Variants in DPP6 observed in about 807,000 individuals in gnomAD.
DPP6 encodes dipeptidyl peptidase like 6.
A neutral mutation model predicts 122.6 loss-of-function variants in DPP6; 69 were observed. That is an observed-to-expected ratio of 0.56 (90% CI 0.46 to 0.69). DPP6 has a LOEUF of 0.69. DPP6 is among the 30% of genes least tolerant of loss of function. The pLI is 0.00. For missense variants in DPP6, 928 were observed against 1,116.9 expected (o/e 0.83, Z 2.41); for synonymous variants, 418 against 433.1 (o/e 0.97, Z 0.43).
the DPP6 span, among the ~76,000 whole-genome samples, chr7:153,809,323 G>A: frequency 1.3e-5 from 2 of 151,946 alleles, no homozygotes; most frequent in African/African-American, 4.8e-5. Flanking sequence ...GTGCCTTAAA[G>A]TTTCTGTGTC....
chr7:154,595,509 C>G (rs533195521), intron 5 of DPP6, among the ~76,000 whole-genome samples: 16 of 152,312 alleles, frequency 1.1e-4, no homozygotes, highest in Admixed American at 3.3e-4. Flanking sequence ...CAATGTGAGT[C>G]TTCACACTGA....
intron 1 of DPP6, among the ~76,000 whole-genome samples, chr7:154,426,700 T>C (rs1005337594): frequency 6.6e-6 from 1 of 151,970 alleles, no homozygotes; most frequent in African/African-American, 2.4e-5. Flanking sequence ...GACTTGCTGC[T>C]CTGGTTACTT....
At chr7:154,089,793 A>T (rs2150546875) in intron 1 of DPP6, among the ~76,000 whole-genome samples, 1 of 151,388 alleles carries the variant, frequency 6.6e-6, no homozygotes, top group East Asian at 2.0e-4. Flanking sequence ...ATTTTTTTAA[A>T]TAAATTAGTT....
chr7:154,209,196 A>C (rs1181059469), intron 1 of DPP6, among the ~76,000 whole-genome samples: 1 of 152,006 alleles, frequency 6.6e-6, no homozygotes, highest in African/African-American at 2.4e-5. Context: ...CTTCCCTTAG[A>C]TGCAAAGGTT....
At chr7:154,782,196 A>T (rs1184749974) in intron 10 of DPP6, among the ~76,000 whole-genome samples, 2 of 152,196 alleles carry the variant, frequency 1.3e-5, no homozygotes, top group Admixed American at 1.3e-4. Context: ...TGGATGCATC[A>T]GTGCATTGGT....
At chr7:153,955,921 A>G (rs1207394068) in intron 1 of DPP6, among the ~76,000 whole-genome samples, 1 of 152,170 alleles carries the variant, frequency 6.6e-6, no homozygotes, top group East Asian at 1.9e-4. Flanking sequence ...ATAAAGAAGG[A>G]GGAAGTAGTG....
intron 1 of DPP6, among the ~76,000 whole-genome samples, chr7:154,127,638 C>G (rs376231381): frequency 9.8e-4 from 107 of 109,162 alleles, no homozygotes; most frequent in African/African-American, 4.4e-3. Flanking sequence ...CACACAGACA[C>G]ACACACACAC....
chr7:154,091,791 G>A (rs1044114039), intron 1 of DPP6, among the ~76,000 whole-genome samples: 1 of 151,938 alleles, frequency 6.6e-6, no homozygotes, highest in Admixed American at 6.6e-5. Context: ...TGAAGAGACC[G>A]GGTCAGTAAC....
chr7:154,472,571 C>T (rs568798600), intron 2 of DPP6, among the ~76,000 whole-genome samples: 2 of 152,338 alleles, frequency 1.3e-5, no homozygotes, highest in East Asian at 3.9e-4. Flanking sequence ...GCTTTGGTTC[C>T]ACTGCTCTGT....
intron 7 of DPP6, among the ~76,000 whole-genome samples, chr7:154,676,301 T>A (rs62475191): frequency 2.2e-5 from 3 of 134,946 alleles, no homozygotes; most frequent in Non-Finnish European, 4.9e-5. Context: ...CCCTTCCCCA[T>A]GTGACCTGCT....
At chr7:154,187,948 T>C (rs75651125) in intron 1 of DPP6, among the ~76,000 whole-genome samples, 1,895 of 152,236 alleles carry the variant, frequency 0.012, 17 homozygotes, top group Middle Eastern at 0.027. Flanking sequence ...ACCAGGTCAT[T>C]CTAATGGGCA....
chr7:154,799,880 C>T (rs1029909486), intron 12 of DPP6, among the ~76,000 whole-genome samples: 2 of 152,212 alleles, frequency 1.3e-5, no homozygotes, highest in South Asian at 2.1e-4. Flanking sequence ...CATGAGAAAC[C>T]GGGTCTCAGA....
intron 8 of DPP6, among the ~76,000 whole-genome samples, 175 bp downstream of exon 8, chr7:154,728,062 A>G (rs1842155175): frequency 6.6e-6 from 1 of 152,256 alleles, no homozygotes; most frequent in Non-Finnish European, 1.5e-5. Context: ...GCTGATCAGC[A>G]TCAGAGAACA....
intron 21 of DPP6, chr7:154,885,393 G>A (rs1001557502): frequency 4.4e-5 from 22 of 505,598 alleles, no homozygotes; most frequent in South Asian, 6.9e-5. Flanking sequence ...TCATCCTCAC[G>A]TCCCTTGACA....
chr7:153,791,420 C>CTTTT, the DPP6 span, among the ~76,000 whole-genome samples: 72 of 24,228 alleles, frequency 3.0e-3, no homozygotes, highest in Admixed American at 5.8e-3. Flanking sequence ...TCCTTCCTTC[C>CTTTT]TTTCTTTTTT....
chr7:154,740,992 G>T (rs1340289360), intron 8 of DPP6, among the ~76,000 whole-genome samples: 1 of 152,158 alleles, frequency 6.6e-6, no homozygotes, highest in African/African-American at 2.4e-5. Context: ...TCTTTGGGAA[G>T]GTGTAAGGGA....
chr7:153,895,786 A>G (rs368461219), intron 1 of DPP6, among the ~76,000 whole-genome samples: 2 of 152,090 alleles, frequency 1.3e-5, no homozygotes, highest in Non-Finnish European at 2.9e-5. Context: ...TCTCAGATGT[A>G]AAATACTGGC....
At chr7:154,853,888 T>C (rs984510694) in intron 17 of DPP6, 61 bp downstream of exon 17, 32 of 1,602,688 alleles carry the variant, frequency 2.0e-5, no homozygotes, top group Non-Finnish European at 2.7e-5. Context: ...AGCAAAACAC[T>C]CTATGAGATC....
At chr7:154,672,903 G>A (rs997069857) in intron 7 of DPP6, among the ~76,000 whole-genome samples, 7 of 152,226 alleles carry the variant, frequency 4.6e-5, no homozygotes, top group Non-Finnish European at 1.0e-4. Context: ...GTATAGACAA[G>A]ATGGGCATGG....
Sources: allele counts gnomAD v4.1 joint callset (sites outside exome capture counted in the v4.1 genomes callset), GRCh38; gene constraint gnomAD v4.1.1; transcripts MANE v1.5; gene names NCBI Gene and HGNC (gene_info 2026-07-23, HGNC 2026-07-21).